The following IL1RAPL1 variants were observed in gnomAD, a reference collection of about 807,000 sequenced individuals.
The protein encoded by IL1RAPL1 is interleukin-1 receptor accessory protein-like 1.
IL1RAPL1 carries 3 observed loss-of-function variants against 48.4 expected under a neutral mutation model. The ratio of observed to expected loss-of-function variants is 0.06; its 90% CI spans 0.03 to 0.16. The LOEUF is 0.16. Ranked by LOEUF, IL1RAPL1 falls within the 10% of genes least tolerant of loss-of-function variation. The pLI is 1.00. For synonymous variants in IL1RAPL1, 185 were observed against 187.7 expected (o/e 0.99, Z 0.12); for missense variants, 349 against 530.6 (o/e 0.66, Z 3.36).
In IL1RAPL1 at chrX:28,656,983, C is replaced by T. The variant is rs771481918; in HGVS notation, c.-25+68936C>T. Among the ~76,000 whole-genome samples, 283 of 102,832 alleles carry T rather than the reference C, an allele frequency of 2.8e-3. 3 individuals carry two copies. Among genetic ancestry groups the T allele is most frequent in the African/African-American group, 9.5e-3 (265 of 27,806 alleles). The allele number at this position is 102,832 out of a possible 115,157, so 89.3% of individuals were successfully genotyped here. On this transcript the variant is annotated intron_variant, in intron 1 of 10. Transcript: ENST00000378993. ...CGGAGCTTGCAGTGAGCTGAGATCG[C>T]GCCATTGCATTCCAGCCTGGGCAAC... is the stretch of plus-strand genomic sequence containing the variant.
At chrX:29,571,095 G>A (rs1051070698) in intron 5 of IL1RAPL1, among the ~76,000 whole-genome samples, 1 of 110,630 alleles carries the variant, frequency 9.0e-6, no homozygotes, top group African/African-American at 3.3e-5. Context: ...GGTGGCGGGC[G>A]CCTATAGTCC....
At chrX:28,996,254 T>G (rs1299289516) in intron 2 of IL1RAPL1, among the ~76,000 whole-genome samples, 1 of 111,740 alleles carries the variant, frequency 8.9e-6, no homozygotes, top group Admixed American at 9.5e-5. Context: ...TAATGTAATG[T>G]TTTTAAGGTT....
chrX:29,540,258 T>C (rs1414377422), intron 5 of IL1RAPL1, among the ~76,000 whole-genome samples: 1 of 101,579 alleles, frequency 9.8e-6, no homozygotes, highest in East Asian at 2.9e-4. Flanking sequence ...CTGTAAAATA[T>C]TGCAAAAAAA....
chrX:28,742,649 A>G (rs760758659), intron 1 of IL1RAPL1, among the ~76,000 whole-genome samples: 3 of 111,826 alleles, frequency 2.7e-5, no homozygotes, highest in Non-Finnish European at 3.8e-5. Flanking sequence ...TATAAAGTGC[A>G]TATTTCAAAT....
intron 5 of IL1RAPL1, among the ~76,000 whole-genome samples, chrX:29,643,965 A>G (rs1400244568): frequency 8.9e-6 from 1 of 111,983 alleles, no homozygotes; most frequent in East Asian, 2.8e-4. Flanking sequence ...TTCAAGATAT[A>G]TTTTTTCAAG....
At chrX:28,902,172 C>CTT (rs35499387) in intron 2 of IL1RAPL1, among the ~76,000 whole-genome samples, 40,679 of 101,575 alleles carry the variant, frequency 0.4, 6,565 homozygotes, top group Middle Eastern at 0.57. Flanking sequence ...CTTCCTTATC[C>CTT]TTTTTTTTTT....
At chrX:29,324,816 G>T (rs1932832925) in intron 3 of IL1RAPL1, among the ~76,000 whole-genome samples, 1 of 111,255 alleles carries the variant, frequency 9.0e-6, no homozygotes, top group African/African-American at 3.3e-5. Context: ...TTGGGGTACT[G>T]CTTCCTGTGC....
At chrX:29,657,599 A>G (rs187298030) in intron 5 of IL1RAPL1, among the ~76,000 whole-genome samples, 34 of 112,222 alleles carry the variant, frequency 3.0e-4, no homozygotes, top group African/African-American at 1.0e-3. Flanking sequence ...TCGCAGTGAC[A>G]TTGTGCCTTT....
intron 2 of IL1RAPL1, among the ~76,000 whole-genome samples, chrX:29,264,869 G>A: frequency 9.1e-6 from 1 of 110,384 alleles, no homozygotes; most frequent in Non-Finnish European, 1.9e-5. Flanking sequence ...ACCAGCTTTT[G>A]GTTTCATTAA....
chrX:29,885,667 A>AAATC (rs202214687), intron 6 of IL1RAPL1, among the ~76,000 whole-genome samples: 1,536 of 111,057 alleles, frequency 0.014, 13 homozygotes, highest in Non-Finnish European at 0.023. Flanking sequence ...AAAAATAAAA[A>AAATC]AATCAGCTGA....
intron 5 of IL1RAPL1, among the ~76,000 whole-genome samples, chrX:29,576,761 C>G (rs922480228): frequency 9.0e-6 from 1 of 110,918 alleles, no homozygotes; most frequent in African/African-American, 3.3e-5. Context: ...CATATATACT[C>G]GAGATGAAAG....
chrX:29,614,936 C>G (rs752775837), intron 5 of IL1RAPL1, among the ~76,000 whole-genome samples: 247 of 108,394 alleles, frequency 2.3e-3, no homozygotes, highest in African/African-American at 7.9e-3. Context: ...CTCCATCCAG[C>G]CTGAGCAACA....
At chrX:28,725,468 G>A (rs1421127379) in intron 1 of IL1RAPL1, among the ~76,000 whole-genome samples, 1 of 111,767 alleles carries the variant, frequency 8.9e-6, no homozygotes, top group Non-Finnish European at 1.9e-5. Flanking sequence ...GGGTAATTAT[G>A]ATAGATATAA....
At chrX:29,611,728 G>A (rs1284777138) in intron 5 of IL1RAPL1, among the ~76,000 whole-genome samples, 9 of 111,363 alleles carry the variant, frequency 8.1e-5, no homozygotes. Flanking sequence ...CTTGTCTGGT[G>A]TCCAGGAAGA....
chrX:28,791,019 A>G (rs1415067504), intron 2 of IL1RAPL1, among the ~76,000 whole-genome samples: 2 of 111,990 alleles, frequency 1.8e-5, no homozygotes, highest in African/African-American at 3.2e-5. Flanking sequence ...CAAAATGACA[A>G]TAGTTCATCC....
intron 5 of IL1RAPL1, among the ~76,000 whole-genome samples, chrX:29,598,732 AGATTAT>A (rs766015879): frequency 1.8e-5 from 2 of 111,271 alleles, no homozygotes; most frequent in Non-Finnish European, 3.8e-5. Flanking sequence ...TATATATTTA[AGATTAT>A]GATGTTTTCC....
intron 2 of IL1RAPL1, among the ~76,000 whole-genome samples, chrX:28,931,624 A>T (rs1173028789): frequency 8.9e-6 from 1 of 112,130 alleles, no homozygotes; most frequent in Non-Finnish European, 1.9e-5. Context: ...CAAGTATTGT[A>T]TCATTAATTT....
intron 2 of IL1RAPL1, among the ~76,000 whole-genome samples, chrX:28,841,344 A>G (rs1166390215): frequency 1.8e-5 from 2 of 111,152 alleles, no homozygotes; most frequent in Non-Finnish European, 3.8e-5. Context: ...AACAGATACC[A>G]AGAATAACAT....
intron 5 of IL1RAPL1, among the ~76,000 whole-genome samples, chrX:29,629,939 A>G (rs774827073): frequency 8.9e-6 from 1 of 112,339 alleles, no homozygotes; most frequent in Non-Finnish European, 1.9e-5. Flanking sequence ...CACTTAATGT[A>G]TCAGGAGGAT....
Sources: allele counts gnomAD v4.1 joint callset (sites outside exome capture counted in the v4.1 genomes callset), GRCh38; gene constraint gnomAD v4.1.1; transcripts MANE v1.5; gene names NCBI Gene and HGNC (gene_info 2026-07-23, HGNC 2026-07-21).